The following ZNF804B variants were observed in gnomAD, a reference collection of about 807,000 sequenced individuals.
ZNF804B encodes the protein zinc finger 804B.
A neutral mutation model predicts 101.4 loss-of-function variants in ZNF804B; 80 were observed. That is an observed-to-expected ratio of 0.79 (90% confidence interval 0.66 to 0.95). ZNF804B has a LOEUF of 0.95. Among genes scored for constraint, ZNF804B ranks in the 40% least tolerant of loss-of-function variants. The pLI is 0.00. For missense variants in ZNF804B, 1,673 were observed against 1,561.9 expected (o/e 1.07, Z -1.20); for synonymous variants, 622 against 558.8 (o/e 1.11, Z -1.59).
intron 1 of ZNF804B, among the ~76,000 whole-genome samples, chr7:89,155,355 T>C (rs1157292252): frequency 6.6e-6 from 1 of 152,150 alleles, no homozygotes; most frequent in Non-Finnish European, 1.5e-5. Context: ...TCTAATTTTA[T>C]AAATGATATG....
At chr7:89,125,584 T>A (rs10281024) in intron 1 of ZNF804B, among the ~76,000 whole-genome samples, 1 of 151,812 alleles carries the variant, frequency 6.6e-6, no homozygotes, top group Non-Finnish European at 1.5e-5. Context: ...TAATTTAAAT[T>A]TTCTTAGCTT....
At chr7:89,272,982 A>T (rs1456146335) in intron 2 of ZNF804B, among the ~76,000 whole-genome samples, 1 of 152,146 alleles carries the variant, frequency 6.6e-6, no homozygotes, top group Non-Finnish European at 1.5e-5. Context: ...TGATTTTCAA[A>T]TGCTATGTAG....
At chr7:89,075,561 C>A (rs370575669) in intron 1 of ZNF804B, among the ~76,000 whole-genome samples, 1 of 152,200 alleles carries the variant, frequency 6.6e-6, no homozygotes, top group Non-Finnish European at 1.5e-5. Context: ...GATGTCCAGA[C>A]AGAAGTTTGC....
chr7:89,128,040 ACAT>A (rs1334092390), intron 1 of ZNF804B, among the ~76,000 whole-genome samples: 1 of 151,880 alleles, frequency 6.6e-6, no homozygotes, highest in East Asian at 1.9e-4. Context: ...ATTTTTGTGA[ACAT>A]CATAATTATG....
At chr7:89,015,897 C>A (rs1354632924) in intron 1 of ZNF804B, among the ~76,000 whole-genome samples, 3 of 151,628 alleles carry the variant, frequency 2.0e-5, no homozygotes, top group African/African-American at 7.2e-5. Context: ...TTCTAGATCC[C>A]TGAGGAATCG....
chr7:89,318,748 C>A (rs777321202), intron 2 of ZNF804B, among the ~76,000 whole-genome samples: 1 of 152,112 alleles, frequency 6.6e-6, no homozygotes, highest in Non-Finnish European at 1.5e-5. Context: ...GGTGACAGAG[C>A]AAGACTCCAT....
At chr7:88,930,660 T>G (rs1792869605) in intron 1 of ZNF804B, among the ~76,000 whole-genome samples, 1 of 151,892 alleles carries the variant, frequency 6.6e-6, no homozygotes, top group Non-Finnish European at 1.5e-5. Flanking sequence ...TGGTAGTTGA[T>G]AAGAAAGAGA....
intron 1 of ZNF804B, among the ~76,000 whole-genome samples, chr7:88,933,442 A>G (rs1032384482): frequency 3.9e-5 from 6 of 152,080 alleles, no homozygotes; most frequent in African/African-American, 1.2e-4. Context: ...TAGGCAGCGC[A>G]ATCAAACAAG....
chr7:89,143,014 A>G (rs1790740051), intron 1 of ZNF804B, among the ~76,000 whole-genome samples: 2 of 151,968 alleles, frequency 1.3e-5, no homozygotes, highest in Admixed American at 6.6e-5. Flanking sequence ...TACAAAACTC[A>G]GAGGACTTTC....
intron 1 of ZNF804B, among the ~76,000 whole-genome samples, chr7:89,012,835 T>C (rs1788485143): frequency 6.6e-6 from 1 of 152,186 alleles, no homozygotes; most frequent in Non-Finnish European, 1.5e-5. Flanking sequence ...ACCAATTTTC[T>C]GTATTAATCT....
chr7:89,114,903 C>A (rs989154559), intron 1 of ZNF804B, among the ~76,000 whole-genome samples: 1 of 151,826 alleles, frequency 6.6e-6, no homozygotes, highest in Admixed American at 6.6e-5. Flanking sequence ...ACTAGAACTG[C>A]AAAAAACAAA....
intron 1 of ZNF804B, among the ~76,000 whole-genome samples, chr7:88,971,305 T>C (rs936448734): frequency 4.6e-5 from 7 of 151,690 alleles, no homozygotes; most frequent in Non-Finnish European, 1.5e-5. Context: ...TGGACATTTA[T>C]TCCTTCATTC....
At position 88,794,796 on chromosome 7, in the gene ZNF804B, C is replaced by T. The variant is rs779000142; in HGVS notation, c.108+34712C>T. The T allele has an allele frequency of 6.2e-6, 10 of 1,613,714 alleles. No individual in the cohort carries two copies. The Admixed American group carries it at 1.7e-4, about 27-fold the overall frequency. On this transcript the variant is annotated intron_variant, in intron 1 of 3. Transcript: ENST00000333190. ...CTTGTATCTTGGCCACTAGAAACATCCTATCAAGAAGGAATTTCTTTAGGT... is the reference window on the plus strand; with the variant it reads ...CTTGTATCTTGGCCACTAGAAACATTCTATCAAGAAGGAATTTCTTTAGGT...
intron 1 of ZNF804B, among the ~76,000 whole-genome samples, chr7:89,159,705 T>C (rs1791030223): frequency 6.6e-6 from 1 of 152,148 alleles, no homozygotes; most frequent in Non-Finnish European, 1.5e-5. Context: ...GGCACAGAAT[T>C]TTGCTCACCA....
At chr7:88,972,430 G>A (rs1054415907) in intron 1 of ZNF804B, among the ~76,000 whole-genome samples, 1 of 151,244 alleles carries the variant, frequency 6.6e-6, no homozygotes, top group Admixed American at 6.6e-5. Context: ...GCTTTCCAAG[G>A]TTAGGAAGCT....
chr7:89,337,154 A>G lies in ZNF804B; in HGVS notation c.*122A>G. 2.0e-6 allele frequency: 2 copies of G among 1,020,720 alleles called. No individual in the cohort carries two copies. The highest frequency in any genetic ancestry group is 2.8e-6 in the Non-Finnish European group (2 of 720,092). The allele number at this position is 1,020,720 out of a possible 1,614,324, so 63.2% of individuals were successfully genotyped here. On this transcript the variant is annotated 3_prime_UTR_variant, in exon 4 of 4. Transcript: ENST00000333190. ...ATTGCTGCCAATTCAAAATGTGACA[A>G]ATATATAAATATGATCTGAATTGCT...
At chr7:89,291,774 C>T (rs920161308) in intron 2 of ZNF804B, among the ~76,000 whole-genome samples, 13 of 151,876 alleles carry the variant, frequency 8.6e-5, no homozygotes, top group African/African-American at 2.4e-4. Flanking sequence ...TATCGAAGTA[C>T]AAGAAAGTTA....
At chr7:89,304,616 A>G (rs531071887) in intron 2 of ZNF804B, among the ~76,000 whole-genome samples, 38 of 152,086 alleles carry the variant, frequency 2.5e-4, no homozygotes, top group African/African-American at 8.7e-4. Context: ...CTGAAGTTCA[A>G]TGTTGTTAAA....
chr7:89,241,849 AGGGT>A lies in ZNF804B; in HGVS notation c.249+23555_249+23558del, dbSNP rs1480745944. 7.4e-5 allele frequency among the ~76,000 whole-genome samples: 11 copies of A among 149,442 alleles called. No individual in the cohort carries two copies. The East Asian group carries it at 2.0e-3, about 27-fold the overall frequency. ...CTATTTTAATCACTACAAACACTAC[AGGGT>A]AATGTTCAATGAATGGTTATTGGAA... On this transcript the variant is annotated intron_variant, in intron 2 of 3. Transcript: ENST00000333190.
Sources: gnomAD v4.1 joint callset for allele counts (sites outside exome capture counted in the v4.1 genomes callset) on GRCh38, gnomAD v4.1.1 for gene constraint, MANE v1.5 for transcripts, NCBI Gene and HGNC (gene_info 2026-07-23, HGNC 2026-07-21) for gene names.